EPHA3: variants seen among roughly 807,000 people sequenced by gnomAD.
EPHA3 encodes the protein EPH receptor A3.
A neutral mutation model predicts 107.1 loss-of-function variants in EPHA3; 42 were observed. The observed-to-expected ratio is 0.39, with a 90% CI of 0.31 to 0.51. The LOEUF is 0.51. EPHA3 is among the 20% of genes least tolerant of loss of function. EPHA3 has a pLI of 0.78. For missense variants in EPHA3, 1,183 were observed against 1,211.2 expected (o/e 0.98, Z 0.35); for synonymous variants, 461 against 424.8 (o/e 1.09, Z -1.05).
chr3:89,346,817 G>A (rs1038879722), intron 5 of EPHA3, among the ~76,000 whole-genome samples: 1 of 143,722 alleles, frequency 7.0e-6, no homozygotes, highest in East Asian at 2.0e-4. Context: ...AAGGGATCCA[G>A]TTTCAGCTTT....
At chr3:89,129,517 A>G (rs1233020575) in intron 2 of EPHA3, among the ~76,000 whole-genome samples, 2 of 151,926 alleles carry the variant, frequency 1.3e-5, no homozygotes, top group Non-Finnish European at 2.9e-5. Flanking sequence ...TATATAGTGT[A>G]TATTTCCTTT....
chr3:89,292,490 A>C (rs1304017252), intron 3 of EPHA3, among the ~76,000 whole-genome samples: 1 of 152,188 alleles, frequency 6.6e-6, no homozygotes, highest in Non-Finnish European at 1.5e-5. Flanking sequence ...CTTGCGGATG[A>C]CTATAATTTA....
chr3:89,340,880 T>A (rs1167768843), intron 3 of EPHA3, 36 bp from the exon 4 acceptor site: 7 of 1,532,122 alleles, frequency 4.6e-6, no homozygotes, highest in Non-Finnish European at 5.3e-6. Context: ...AAAAAAATTA[T>A]CACAGACTTT....
At chr3:89,181,226 G>C (rs1705435739) in intron 2 of EPHA3, among the ~76,000 whole-genome samples, 1 of 151,866 alleles carries the variant, frequency 6.6e-6, no homozygotes, top group Non-Finnish European at 1.5e-5. Flanking sequence ...TTTCTGCCTT[G>C]TTTTCAAAAT....
intron 13 of EPHA3, among the ~76,000 whole-genome samples, chr3:89,441,401 G>T (rs1054266029): frequency 7.9e-5 from 12 of 152,188 alleles, no homozygotes; most frequent in Non-Finnish European, 2.9e-5. Context: ...GCAACTGGAA[G>T]CTTTTCTGAA....
Position 89,345,782 on chromosome 3 carries a change from A to G in EPHA3, c.1306+3692A>G, listed in dbSNP as rs1386172078. ...CTCTCCCCCCTCCCCCCACCCCACC[A>G]CAGTCCCCAGAGTGTGATATTCCCC... On this transcript the variant is annotated intron_variant, in intron 5 of 16. Coordinates refer to ENST00000336596, the MANE Select transcript of EPHA3 (RefSeq NM_005233.6). Among the ~76,000 whole-genome samples the G allele has an allele frequency of 8.7e-4, 62 of 71,012 alleles. 2 individuals carry two copies. Among genetic ancestry groups the G allele is most frequent in the Non-Finnish European group, 1.4e-3 (53 of 37,734 alleles). The allele number at this position is 71,012 out of a possible 152,430, so 46.6% of individuals were successfully genotyped here.
rs1156557786 is a variant in EPHA3 at position 89,119,462 on chromosome 3, T to C, written c.89-7747T>C. ...GATGCAAAGGAAAAGACTAGTGTTT[T>C]GAAATAAACTGCTAAGAATGTGGTA... On this transcript the variant is annotated intron_variant, in intron 1 of 16. Coordinates refer to ENST00000336596, the MANE Select transcript of EPHA3 (RefSeq NM_005233.6). Among the ~76,000 whole-genome samples, 3 of 152,136 alleles carry C rather than the reference T, an allele frequency of 2.0e-5. No homozygotes were observed. In the East Asian group the frequency reaches 5.8e-4, roughly 29 times the overall value.
At chr3:89,435,011 C>T (rs1289564133) in intron 13 of EPHA3, among the ~76,000 whole-genome samples, 1 of 151,746 alleles carries the variant, frequency 6.6e-6, no homozygotes, top group Admixed American at 6.6e-5. Context: ...CATAATAGGC[C>T]TTATTGAGTA....
At chr3:89,327,022 C>T (rs540982538) in intron 3 of EPHA3, among the ~76,000 whole-genome samples, 4 of 152,060 alleles carry the variant, frequency 2.6e-5, no homozygotes, top group Admixed American at 6.6e-5. Context: ...GAAAGTTTTT[C>T]GGTTGCCTTA....
At chr3:89,390,784 CA>C (rs1708711941) in intron 5 of EPHA3, among the ~76,000 whole-genome samples, 1 of 105,232 alleles carries the variant, frequency 9.5e-6, no homozygotes, top group Non-Finnish European at 1.9e-5. Context: ...AATTGAAAAG[CA>C]TTTTTTTTTT....
intron 3 of EPHA3, among the ~76,000 whole-genome samples, chr3:89,277,133 G>C (rs1208604466): frequency 6.6e-6 from 1 of 152,050 alleles, no homozygotes; most frequent in Admixed American, 6.6e-5. Flanking sequence ...CATGTCCTAG[G>C]AATAGTTTAA....
intron 10 of EPHA3, among the ~76,000 whole-genome samples, chr3:89,418,145 A>G (rs2107525969): frequency 6.6e-6 from 1 of 151,660 alleles, no homozygotes; most frequent in South Asian, 2.1e-4. Flanking sequence ...TTGGACCAAG[A>G]TTATGATTCC....
chr3:89,203,021 G>A (rs563557048), intron 2 of EPHA3, among the ~76,000 whole-genome samples: 1 of 152,232 alleles, frequency 6.6e-6, no homozygotes, highest in South Asian at 2.1e-4. Flanking sequence ...AAAACCAGAT[G>A]GGATAAGGGC....
In EPHA3 at chr3:89,481,176, A is replaced by C. The variant is rs1710614992; in HGVS notation, c.*1674A>C. The C allele has an allele frequency of 4.3e-6, 1 of 232,178 alleles. No individual in the cohort carries two copies. Among genetic ancestry groups the C allele is most frequent in the South Asian group, 1.8e-4 (1 of 5,516 alleles). 14.4% of individuals were successfully genotyped at this position (232,178 alleles called of 1,614,324 possible). A position where few individuals can be genotyped will look rare whatever the true frequency, so the allele number is the denominator to read the frequency against. On this transcript the variant is annotated 3_prime_UTR_variant, in exon 17 of 17. Transcript: ENST00000336596. ...ATGTTCTTATGCAAAATGGAACGCT[A>C]ATGAAACACAGCTTACAATCGCAAA...
intron 3 of EPHA3, among the ~76,000 whole-genome samples, chr3:89,304,794 C>T (rs1706573391): frequency 6.6e-6 from 1 of 152,026 alleles, no homozygotes; most frequent in Non-Finnish European, 1.5e-5. Flanking sequence ...GTTTTCTGCT[C>T]ACTGCATACT....
At chr3:89,290,793 T>C (rs1250627036) in intron 3 of EPHA3, among the ~76,000 whole-genome samples, 1 of 152,194 alleles carries the variant, frequency 6.6e-6, no homozygotes, top group Non-Finnish European at 1.5e-5. Context: ...CAGGCAGCTC[T>C]CTTTTGAGCA....
At chr3:89,379,131 C>T (rs1336436231) in intron 5 of EPHA3, among the ~76,000 whole-genome samples, 1 of 152,132 alleles carries the variant, frequency 6.6e-6, no homozygotes, top group African/African-American at 2.4e-5. Context: ...GCTTTCTGCT[C>T]AGATTTTTAA....
chr3:89,196,161 C>G (rs987494254), intron 2 of EPHA3, among the ~76,000 whole-genome samples: 3 of 151,932 alleles, frequency 2.0e-5, no homozygotes, highest in African/African-American at 7.3e-5. Context: ...TTCTTTTATT[C>G]AAATAGTTCA....
At chr3:89,380,153 A>T (rs1223939921) in intron 5 of EPHA3, among the ~76,000 whole-genome samples, 2 of 152,194 alleles carry the variant, frequency 1.3e-5, no homozygotes, top group Non-Finnish European at 2.9e-5. Context: ...TATTAAAAAA[A>T]TTTTGAAGAG....
Sources: gnomAD v4.1 joint callset for allele counts (sites outside exome capture counted in the v4.1 genomes callset) on GRCh38, gnomAD v4.1.1 for gene constraint, MANE v1.5 for transcripts, NCBI Gene and HGNC (gene_info 2026-07-23, HGNC 2026-07-21) for gene names.